RYR2: variants seen among roughly 807,000 people sequenced by gnomAD.
RYR2 encodes ryanodine receptor 2.
Under a neutral mutation model 601.1 loss-of-function variants are expected in RYR2, and 227 were observed. The observed-to-expected ratio is 0.38, with a 90% CI of 0.34 to 0.42. The LOEUF (loss-of-function observed/expected upper bound fraction) is 0.42, where lower values mean the gene tolerates loss of function less well. RYR2 is among the 10% of genes least tolerant of loss of function. RYR2 has a pLI of 1.00. For synonymous variants in RYR2, 2,223 were observed against 2,175.1 expected, an observed-to-expected ratio of 1.02 and a Z score of -0.61; for missense variants, 4,646 against 6,156.5, an observed-to-expected ratio of 0.75 and a Z score of 8.21.
intron 2 of RYR2, among the ~76,000 whole-genome samples, chr1:237,272,570 A>T (rs2149353656): frequency 6.7e-6 from 1 of 148,630 alleles, no homozygotes; most frequent in South Asian, 2.1e-4. Context: ...TATATATATT[A>T]GTGGAGTAAT....
At position 237,326,746 on chromosome 1, in the gene RYR2, A is replaced by G. The variant is rs181401599; in HGVS notation, c.169-4132A>G. Among the ~76,000 whole-genome samples, 7 of 152,338 alleles carry G rather than the reference A, an allele frequency of 4.6e-5. No homozygotes were observed. The East Asian group carries it at 1.2e-3, about 25-fold the overall frequency. On this transcript the variant is annotated intron_variant, in intron 2 of 104. Coordinates refer to ENST00000366574, the MANE Select transcript of RYR2 (RefSeq NM_001035.3). ...AAAACAAAGTAAGACTAAGGAAAAG[A>G]TGATAATTTTCAAATGCTTGCAAAT...
chr1:237,555,314 C>T (rs1406547710), intron 27 of RYR2: 1 of 152,060 alleles, frequency 6.6e-6, no homozygotes, highest in African/African-American at 2.4e-5. Context: ...GTGTAATAAT[C>T]AAAGAGTTCT....
chr1:237,268,158 A>G (rs567503206), intron 1 of RYR2, among the ~76,000 whole-genome samples: 2 of 152,278 alleles, frequency 1.3e-5, no homozygotes, highest in Middle Eastern at 3.4e-3. Context: ...GTCTTTAGTT[A>G]GTTATTAATA....
chr1:237,070,861 T>C (rs76778865), intron 1 of RYR2, among the ~76,000 whole-genome samples: 4,153 of 152,270 alleles, frequency 0.027, 185 homozygotes, highest in African/African-American at 0.093. Context: ...AATGCAATGG[T>C]GCCAAAAGCT....
chr1:237,054,143 C>G (rs1016849014), intron 1 of RYR2, among the ~76,000 whole-genome samples: 2 of 152,048 alleles, frequency 1.3e-5, no homozygotes, highest in Non-Finnish European at 2.9e-5. Context: ...TTTTCAGATG[C>G]CAAAGCCCTT....
At chr1:237,127,726 G>A (rs1671661851) in intron 1 of RYR2, among the ~76,000 whole-genome samples, 3 of 147,992 alleles carry the variant, frequency 2.0e-5, no homozygotes, top group Non-Finnish European at 3.0e-5. Context: ...CCGGGCAGAG[G>A]TGCTCCTCAC....
intron 2 of RYR2, among the ~76,000 whole-genome samples, chr1:237,282,614 T>C (rs1034027907): frequency 6.6e-6 from 1 of 152,176 alleles, no homozygotes; most frequent in Non-Finnish European, 1.5e-5. Flanking sequence ...CTTGCCCTCC[T>C]AAAGCTGGGA....
intron 1 of RYR2, among the ~76,000 whole-genome samples, chr1:237,088,450 G>A (rs1666600239): frequency 6.6e-6 from 1 of 152,170 alleles, no homozygotes. Context: ...AATGTGTATT[G>A]GATGCCTCCT....
chr1:237,348,259 A>G (rs1472067640), intron 3 of RYR2, among the ~76,000 whole-genome samples: 3 of 152,170 alleles, frequency 2.0e-5, no homozygotes, highest in South Asian at 2.1e-4. Flanking sequence ...ACTGGCATGC[A>G]CCACTATTCC....
At chr1:237,448,969 A>G (rs1395061506) in intron 14 of RYR2, among the ~76,000 whole-genome samples, 1 of 152,128 alleles carries the variant, frequency 6.6e-6, no homozygotes, top group Non-Finnish European at 1.5e-5. Flanking sequence ...TTACATTAAT[A>G]TGATTATTGA....
chr1:237,412,934 T>C (rs1237502061), intron 10 of RYR2, among the ~76,000 whole-genome samples: 1 of 152,174 alleles, frequency 6.6e-6, no homozygotes, highest in Non-Finnish European at 1.5e-5. Flanking sequence ...GACTCTGATT[T>C]GATACTTGAA....
chr1:237,300,656 G>A (rs1379437322), intron 2 of RYR2, among the ~76,000 whole-genome samples: 1 of 152,146 alleles, frequency 6.6e-6, no homozygotes, highest in African/African-American at 2.4e-5. Flanking sequence ...TAGGCAAAGC[G>A]CTTCGCTCCT....
At chr1:237,381,251 C>CAAAAAAAA (rs60493059) in intron 8 of RYR2, among the ~76,000 whole-genome samples, 24 of 45,742 alleles carry the variant, frequency 5.2e-4, no homozygotes, top group East Asian at 6.9e-4. Context: ...GACTCCGTCT[C>CAAAAAAAA]AAAAAAAAAA....
Position 237,723,651 on chromosome 1 carries a change from C to T in RYR2, c.10689+389C>T, listed in dbSNP as rs115620104. Among the ~76,000 whole-genome samples, 1,261 of 151,896 alleles carry T rather than the reference C, an allele frequency of 8.3e-3. 15 individuals carry two copies. Among genetic ancestry groups the T allele is most frequent in the African/African-American group, 0.028 (1,181 of 41,444 alleles). On this transcript the variant is annotated intron_variant, in intron 74 of 104. Transcript: ENST00000366574. ...ACATGTTTGAGATATTATCTTTTAC[C>T]GGTTTAATATTTGAAACATTTTCTT... is the stretch of plus-strand genomic sequence containing the variant.
At position 237,723,254 on chromosome 1, in the gene RYR2, C is replaced by T. The variant is rs1022428392; in HGVS notation, c.10681C>T (p.Leu3561Phe). 1 of 1,611,328 alleles carries T rather than the reference C, an allele frequency of 6.2e-7. No individual in the cohort carries two copies. ...VLDIANVLFH[L>F]EQKSKRVGRR... ...GGATATAGCAAATGTGCTTTTTCAT[C>T]TTGAACAGGTCAGGCTTTGTGTCAA... is the stretch of plus-strand genomic sequence containing the variant. Residue 3561 changes from leucine (L) to phenylalanine (F), a missense_variant, in exon 74 of 105, where the codon CTT becomes TTT. Physicochemically the swap from Leu to Phe is conservative, Grantham distance 22. Around this residue, in one of 17 missense-constraint regions of RYR2, gnomAD observed 1,497 missense variants for 1,842.6 expected, o/e 0.81. Coordinates refer to ENST00000366574, the MANE Select transcript of RYR2 (RefSeq NM_001035.3).
chr1:237,623,854 T>C lies in RYR2; in HGVS notation c.6006T>C (p.Asp2002=), dbSNP rs1234291975. 13 of 1,608,232 alleles carry C rather than the reference T, an allele frequency of 8.1e-6. No individual in the cohort carries two copies. The highest frequency in any genetic ancestry group is 1.7e-5 in the Admixed American group (1 of 59,984). ...ACCAACTATTGGATTTCCATGAAGA[T>C]TTGATGACACATTGTGGTAAGGTCT... The part of the protein sequence containing the change: ...IRDQLLDFHE[D]LMTHCGIELD... The change falls in exon 39 of 105, where the codon GAT becomes GAC. Residue 2002 remains aspartate, a synonymous_variant. Transcript: ENST00000366574.
At chr1:237,163,397 G>A (rs1389660930) in intron 1 of RYR2, among the ~76,000 whole-genome samples, 1 of 122,576 alleles carries the variant, frequency 8.2e-6, no homozygotes, top group African/African-American at 3.2e-5. Context: ...GGTCTTTCCA[G>A]TATGCAGGAG....
At chr1:237,259,418 G>T (rs999330833) in intron 1 of RYR2, among the ~76,000 whole-genome samples, 5 of 151,850 alleles carry the variant, frequency 3.3e-5, no homozygotes, top group African/African-American at 9.7e-5. Flanking sequence ...TGAGACAGGA[G>T]AATCGCTTGA....
chr1:237,178,731 A>G (rs1402358633), intron 1 of RYR2, among the ~76,000 whole-genome samples: 1 of 152,076 alleles, frequency 6.6e-6, no homozygotes, highest in East Asian at 1.9e-4. Flanking sequence ...GCTTGAGCCC[A>G]GAGTTCAAAG....
Sources: gnomAD v4.1 joint callset for allele counts (sites outside exome capture counted in the v4.1 genomes callset) on GRCh38, gnomAD v4.1.1 for gene constraint, gnomAD v4.1.1 regional missense constraint, MANE v1.5 for transcripts, NCBI Gene and HGNC (gene_info 2026-07-23, HGNC 2026-07-21) for gene names.